SDK1: variants seen among roughly 807,000 people sequenced by gnomAD.
SDK1 encodes protein sidekick-1.
In SDK1, 157 loss-of-function variants were observed where a neutral mutation model predicts 245.5. The ratio of observed to expected loss-of-function variants is 0.64; its 90% CI spans 0.56 to 0.73. The LOEUF (loss-of-function observed/expected upper bound fraction) is 0.73. Among genes scored for constraint, SDK1 ranks in the 30% least tolerant of loss-of-function variants. SDK1 has a pLI of 0.00. For synonymous variants in SDK1, 1,647 were observed against 1,278.5 expected (o/e 1.29, Z -6.15); for missense variants, 3,583 against 3,002.3 (o/e 1.19, Z -4.52).
At chr7:4,167,424 G>GCAA (rs77239894) in intron 32 of SDK1, among the ~76,000 whole-genome samples, 44,831 of 151,864 alleles carry the variant, frequency 0.3, 8,973 homozygotes, top group African/African-American at 0.57. Context: ...AACAACAACA[G>GCAA]CAACAAAAAA....
At chr7:3,499,765 T>G (rs1583956762) in intron 1 of SDK1, among the ~76,000 whole-genome samples, 1 of 152,298 alleles carries the variant, frequency 6.6e-6, no homozygotes, top group East Asian at 1.9e-4. Context: ...CAAAGCCCCT[T>G]CTGTGGAAGT....
chr7:3,771,305 A>T (rs1235217659), intron 4 of SDK1, among the ~76,000 whole-genome samples: 2 of 152,108 alleles, frequency 1.3e-5, no homozygotes, highest in African/African-American at 4.8e-5. Context: ...CCATCACCTC[A>T]CTTGCGTCGA....
intron 1 of SDK1, among the ~76,000 whole-genome samples, chr7:3,559,030 C>G (rs1468750441): frequency 6.6e-6 from 1 of 152,120 alleles, no homozygotes; most frequent in South Asian, 2.1e-4. Context: ...TATCCTGTTG[C>G]ATACAGGATG....
At chr7:4,128,214 G>A (rs924576774) in intron 26 of SDK1, among the ~76,000 whole-genome samples, 1 of 152,166 alleles carries the variant, frequency 6.6e-6, no homozygotes, top group Non-Finnish European at 1.5e-5. Context: ...TCTCAGTGCT[G>A]CTCCCTGGGT....
intron 35 of SDK1, among the ~76,000 whole-genome samples, chr7:4,196,074 C>T (rs1251186900): frequency 2.6e-5 from 4 of 152,192 alleles, no homozygotes; most frequent in African/African-American, 7.2e-5. Flanking sequence ...CTGGAAGTAT[C>T]GTTATGTCCA....
intron 1 of SDK1, among the ~76,000 whole-genome samples, chr7:3,515,419 A>G (rs758584669): frequency 2.0e-5 from 3 of 152,190 alleles, no homozygotes; most frequent in Admixed American, 6.5e-5. Flanking sequence ...GCACTTAGTA[A>G]TTACTTTAAT....
chr7:4,134,586 A>G lies in SDK1; in HGVS notation c.4228+2163A>G, dbSNP rs190531986. Among the ~76,000 whole-genome samples the G allele has an allele frequency of 3.7e-3, 571 of 152,336 alleles. 16 individuals carry two copies. The South Asian group carries it at 0.075, about 20-fold the overall frequency. Reference sequence around the variant, plus strand: ...ATGCTGTGAAACAAGAAACATTGACAGAGTCACAGGAGTCCACAACAACAG... The same window carrying G: ...ATGCTGTGAAACAAGAAACATTGACGGAGTCACAGGAGTCCACAACAACAG... On this transcript the variant is annotated intron_variant, in intron 28 of 44. Transcript: ENST00000404826.
At chr7:3,498,515 G>T (rs372939922) in intron 1 of SDK1, among the ~76,000 whole-genome samples, 4 of 152,228 alleles carry the variant, frequency 2.6e-5, no homozygotes, top group East Asian at 1.9e-4. Context: ...CTAGTATATT[G>T]TGGGTAATAA....
rs1003902217 is a variant in SDK1 at position 4,145,834 on chromosome 7, A to G, written c.4341A>G (p.Ala1447=). ...FTATDLAPES[A]YIFRLSAKTR... ...CCACCGACCTGGCCCCGGAGTCCGC[A>G]TACATCTTCAGGCTGTCCGCCAAGA... The change falls in exon 29 of 45, where the codon GCA becomes GCG. Residue 1447 remains alanine (A), a synonymous_variant. Transcript: ENST00000404826. The G allele has an allele frequency of 6.2e-7, 1 of 1,613,702 alleles. No homozygotes were observed. Among genetic ancestry groups the G allele is most frequent in the Non-Finnish European group, 8.5e-7 (1 of 1,179,950 alleles).
At chr7:3,675,601 T>G (rs1445569770) in intron 4 of SDK1, among the ~76,000 whole-genome samples, 1 of 152,024 alleles carries the variant, frequency 6.6e-6, no homozygotes, top group Non-Finnish European at 1.5e-5. Context: ...AGAGATGAGG[T>G]CTTGTTCTGT....
intron 22 of SDK1, among the ~76,000 whole-genome samples, chr7:4,093,767 C>G (rs12701401): frequency 6.6e-6 from 1 of 152,030 alleles, no homozygotes; most frequent in Non-Finnish European, 1.5e-5. Context: ...CACGCTGTGC[C>G]GAGGGACCGG....
At chr7:3,870,653 C>G (rs1413010954) in intron 5 of SDK1, among the ~76,000 whole-genome samples, 4 of 151,920 alleles carry the variant, frequency 2.6e-5, no homozygotes, top group Admixed American at 6.6e-5. Flanking sequence ...TCCCATATAC[C>G]CTTCTTTCAG....
chr7:3,546,415 C>T (rs1388418506), intron 1 of SDK1, among the ~76,000 whole-genome samples: 1 of 152,192 alleles, frequency 6.6e-6, no homozygotes, highest in African/African-American at 2.4e-5. Context: ...TGAGGTTGTA[C>T]ACTAAAGCCG....
chr7:3,842,809 G>T (rs775636874), intron 5 of SDK1, among the ~76,000 whole-genome samples: 1 of 152,094 alleles, frequency 6.6e-6, no homozygotes, highest in East Asian at 1.9e-4. Flanking sequence ...CCAGGCTAGG[G>T]CAGAGCTATC....
chr7:3,557,400 GAA>G, intron 1 of SDK1, among the ~76,000 whole-genome samples: 1 of 152,304 alleles, frequency 6.6e-6, no homozygotes, highest in Non-Finnish European at 1.5e-5. Flanking sequence ...TAGATAATCT[GAA>G]GAGTCCTGTA....
rs1312206998 is a variant in SDK1 at position 4,047,737 on chromosome 7, G to A, written c.2603-1611G>A. ...GAGCAGGACCCATCCTGACTCCTTG[G>A]ACAGGCCCATCTTTCCTTGTGTTTC... On this transcript the variant is annotated intron_variant, in intron 17 of 44. Transcript: ENST00000404826. Among the ~76,000 whole-genome samples the A allele has an allele frequency of 3.3e-5, 5 of 152,182 alleles. No homozygotes were observed. The East Asian group carries it at 9.6e-4, about 29-fold the overall frequency.
At chr7:3,806,639 C>T (rs1030142016) in intron 4 of SDK1, among the ~76,000 whole-genome samples, 1 of 152,222 alleles carries the variant, frequency 6.6e-6, no homozygotes, top group Non-Finnish European at 1.5e-5. Flanking sequence ...CCTAAAACGC[C>T]TGTGGAGAAA....
At chr7:3,553,508 C>T (rs1016106424) in intron 1 of SDK1, among the ~76,000 whole-genome samples, 10 of 152,242 alleles carry the variant, frequency 6.6e-5, no homozygotes, top group Non-Finnish European at 1.3e-4. Flanking sequence ...ATCTCACATT[C>T]CCTCACCCAT....
intron 1 of SDK1, among the ~76,000 whole-genome samples, chr7:3,361,777 T>C (rs1378095319): frequency 1.3e-5 from 2 of 152,192 alleles, no homozygotes; most frequent in Non-Finnish European, 2.9e-5. Flanking sequence ...ATGCACAGTA[T>C]TGGTGCGTTT....
Sources: gnomAD v4.1 joint callset for allele counts (sites outside exome capture counted in the v4.1 genomes callset) on GRCh38, gnomAD v4.1.1 for gene constraint, MANE v1.5 for transcripts, NCBI Gene and HGNC (gene_info 2026-07-23, HGNC 2026-07-21) for gene names.